Variants in TEX264 observed in about 807,000 individuals in gnomAD.
TEX264 encodes the protein testis-expressed protein 264.
TEX264 carries 13 observed loss-of-function variants against 23.4 expected under a neutral mutation model. The ratio of observed to expected loss-of-function variants is 0.56; its 90% CI spans 0.36 to 0.88. The LOEUF is 0.88. Among genes scored for constraint, TEX264 ranks in the 40% least tolerant of loss-of-function variants. TEX264 has a pLI of 0.01. For synonymous variants in TEX264, 159 were observed against 170.0 expected (o/e 0.94, Z 0.50); for missense variants, 340 against 406.8 (o/e 0.84, Z 1.41).
In TEX264 at chr3:51,686,094, T is replaced by TG. The variant is rs1268563296; in HGVS notation, c.480+1466dup. ...GGAGCTGCCTGAGATACATCTAAGTTGGGGGGTGTGGAGTCAGCAATGGTA... is the reference window on the plus strand; with the variant it reads ...GGAGCTGCCTGAGATACATCTAAGTTGGGGGGGTGTGGAGTCAGCAATGGTA... On this transcript the variant is annotated intron_variant, in intron 3 of 4. Transcript: ENST00000341333. The surrounding 1 kb of genome is among the most constrained non-coding windows in gnomAD (Gnocchi z 4.1). 6.6e-6 allele frequency among the ~76,000 whole-genome samples: 1 copy of TG among 151,816 alleles called. No homozygotes were observed.
chr3:51,699,445 C>G lies in TEX264; in HGVS notation c.520C>G (p.Gln174Glu), dbSNP rs948580613. ...TGCCTATCCTCGGCTGGAGATCTAC[C>G]AGGAAGACCAGATCCATTTCATGTG... is the stretch of plus-strand genomic sequence containing the variant. ...LCAYPRLEIY[Q>E]EDQIHFMCPL... Residue 174 changes from glutamine to glutamate, a missense_variant, in exon 4 of 5, where the codon CAG (glutamine) becomes GAG (glutamate). Physicochemically the swap from Gln to Glu is conservative, Grantham distance 29. Coordinates refer to ENST00000341333, the MANE Select transcript of TEX264 (RefSeq NM_015926.6). 6.2e-7 allele frequency: 1 copy of G among 1,613,964 alleles called. No homozygotes were observed. Among genetic ancestry groups the G allele is most frequent in the African/African-American group, 1.3e-5 (1 of 74,918 alleles).
rs1396849792 is a variant in TEX264, at chr3:51,703,777, A to G, written c.703A>G (p.Ser235Gly). 1 of 1,608,538 alleles carries G rather than the reference A, an allele frequency of 6.2e-7. No homozygotes were observed. Among genetic ancestry groups the G allele is most frequent in the Admixed American group, 1.7e-5 (1 of 59,846 alleles). ...SSVSLEVSPG[S>G]RETSAATLSP... ...TGTAAGCTTGGAAGTGAGCCCTGGC[A>G]GCCGGGAGACTTCAGCTGCCACACT... Residue 235 changes from serine to glycine, a missense_variant, in exon 5 of 5, where the codon AGC (serine) becomes GGC (glycine). Coordinates refer to ENST00000341333, the MANE Select transcript of TEX264 (RefSeq NM_015926.6). This position sits in a 1 kb window ranked among gnomAD's most constrained non-coding sequence, Gnocchi z 4.8.
intron 4 of TEX264, among the ~76,000 whole-genome samples, chr3:51,701,035 G>A (rs964165277): frequency 2.6e-5 from 4 of 152,348 alleles, no homozygotes; most frequent in African/African-American, 9.6e-5. Context: ...GAGGTGAAAG[G>A]GGGTGATTAG....
In TEX264 at chr3:51,699,719, C is replaced by T. The variant is rs1298674918; in HGVS notation, c.649+145C>T. 3 of 882,920 alleles carry T rather than the reference C, an allele frequency of 3.4e-6. No homozygotes were observed. In the East Asian group the frequency reaches 7.7e-5, roughly 23 times the overall value. 54.7% of individuals were successfully genotyped at this position (882,920 alleles called of 1,614,324 possible). On this transcript the variant is annotated intron_variant, in intron 4 of 4. Coordinates refer to ENST00000341333, the MANE Select transcript of TEX264 (RefSeq NM_015926.6). ...TTGGCAGAGGGAGGAAGGAGACCCA[C>T]CTACCTGAGGACCCACATGTGGAGT...
At chr3:51,692,083 C>T (rs1411876389) in intron 3 of TEX264, among the ~76,000 whole-genome samples, 1 of 152,192 alleles carries the variant, frequency 6.6e-6, no homozygotes. Context: ...GCTAGGGCGG[C>T]GTGGGAGCCA....
chr3:51,700,716 C>T (rs955379890), intron 4 of TEX264, among the ~76,000 whole-genome samples: 2 of 151,160 alleles, frequency 1.3e-5, no homozygotes, highest in Admixed American at 1.3e-4. Flanking sequence ...CCAAACACTG[C>T]CTGTCAGGGT....
intron 3 of TEX264, among the ~76,000 whole-genome samples, chr3:51,685,399 C>T (rs550064992): frequency 9.2e-5 from 14 of 152,252 alleles, no homozygotes; most frequent in African/African-American, 3.4e-4. Context: ...GTGAATGAAA[C>T]GTTGGTGCAT....
At chr3:51,672,013 G>A (rs1451610472) in intron 1 of TEX264, 1 of 152,316 alleles carries the variant, frequency 6.6e-6, no homozygotes, top group Non-Finnish European at 1.5e-5. Flanking sequence ...GGCGCCAAGT[G>A]TGATTGGAGT....
intron 3 of TEX264, among the ~76,000 whole-genome samples, chr3:51,697,616 C>T (rs781253737): frequency 2.0e-5 from 3 of 152,236 alleles, no homozygotes; most frequent in African/African-American, 7.2e-5. Context: ...CTTCAGGGGC[C>T]TCCCTGCCCC....
intron 4 of TEX264, among the ~76,000 whole-genome samples, chr3:51,702,243 A>G (rs1208295072): frequency 6.6e-6 from 1 of 152,132 alleles, no homozygotes; most frequent in Non-Finnish European, 1.5e-5. Flanking sequence ...AGGAGCAGTG[A>G]GGGCCTGGCA....
At chr3:51,698,418 C>T (rs1703153183) in intron 3 of TEX264, among the ~76,000 whole-genome samples, 1 of 152,106 alleles carries the variant, frequency 6.6e-6, no homozygotes, top group Non-Finnish European at 1.5e-5. Context: ...AGGGCAGGGG[C>T]CTTGCAGTCA....
intron 4 of TEX264, among the ~76,000 whole-genome samples, chr3:51,702,234 G>A (rs918242656): frequency 6.6e-6 from 1 of 152,168 alleles, no homozygotes; most frequent in South Asian, 2.1e-4. Flanking sequence ...CATTATTTAA[G>A]GAGCAGTGAG....
At chr3:51,692,410 G>A (rs1702861150) in intron 3 of TEX264, among the ~76,000 whole-genome samples, 1 of 152,184 alleles carries the variant, frequency 6.6e-6, no homozygotes, top group African/African-American at 2.4e-5. Flanking sequence ...TTATGCAGGT[G>A]GGAAGGAAAG....
chr3:51,684,750 GC>G, intron 3 of TEX264, 116 bp downstream of exon 3: 1 of 973,986 alleles, frequency 1.0e-6, no homozygotes, highest in Non-Finnish European at 1.6e-6. Context: ...GCACCCTGGG[GC>G]CCTCATGGAA....
rs756522578 is a variant in TEX264, at chr3:51,703,846, C to A, written c.772C>A (p.Arg258Ser). ...CCGTGGCTGGGATGACGGTGACACC[C>A]GCAGCGAGCACAGCTACAGCGAGTC... The part of the protein sequence containing the change: ...SSRGWDDGDT[R>S]SEHSYSESGA... Residue 258 changes from arginine (R) to serine (S), a missense_variant, in exon 5 of 5, where the codon CGC becomes AGC. Coordinates refer to ENST00000341333, the MANE Select transcript of TEX264 (RefSeq NM_015926.6). This position sits in a 1 kb window ranked among gnomAD's most constrained non-coding sequence, Gnocchi z 4.8. The A allele has an allele frequency of 6.2e-7, 1 of 1,612,930 alleles. No individual in the cohort carries two copies. Among genetic ancestry groups the A allele is most frequent in the Non-Finnish European group, 8.5e-7 (1 of 1,179,412 alleles).
At chr3:51,702,488 C>T (rs995082288) in intron 4 of TEX264, among the ~76,000 whole-genome samples, 5 of 152,166 alleles carry the variant, frequency 3.3e-5, no homozygotes, top group Non-Finnish European at 4.4e-5. Flanking sequence ...AAATTCCCCC[C>T]TCTCCTAATT....
rs72953429 is a variant in TEX264 at position 51,703,339 on chromosome 3, A to G, written c.650-385A>G. On this transcript the variant is annotated intron_variant, in intron 4 of 4. Transcript: ENST00000341333. The surrounding 1 kb of genome is among the most constrained non-coding windows in gnomAD (Gnocchi z 4.8). ...GAAGTGGGGGTGGGGGAAGGTGGAG[A>G]GGACACTACTTGTGTCTCTTTGTTC... is the stretch of plus-strand genomic sequence containing the variant. Among the ~76,000 whole-genome samples, 6,777 of 152,058 alleles carry G rather than the reference A, an allele frequency of 0.045. 499 individuals carry two copies. The highest frequency in any genetic ancestry group is 0.15 in the African/African-American group (6,245 of 41,436).
intron 2 of TEX264, among the ~76,000 whole-genome samples, chr3:51,681,191 C>T (rs1702418405): frequency 6.6e-6 from 1 of 152,216 alleles, no homozygotes; most frequent in Non-Finnish European, 1.5e-5. Flanking sequence ...CCTGGGAGCC[C>T]TGTCTTCTTA....
Position 51,671,614 on chromosome 3 carries a change from C to G in TEX264, c.-35+326C>G, listed in dbSNP as rs570318688. 960 of 155,178 alleles carry G rather than the reference C, an allele frequency of 6.2e-3. 4 individuals are homozygous for G. The highest frequency in any genetic ancestry group is 0.01 in the Non-Finnish European group (718 of 68,406). 9.6% of individuals were successfully genotyped at this position (155,178 alleles called of 1,614,324 possible). ...GTCCCCCAAGGCCGCGCCTCGCAGC[C>G]TGGGCTGCAAACTTTAGCGTCCTTT... is the stretch of plus-strand genomic sequence containing the variant. On this transcript the variant is annotated intron_variant, in intron 1 of 4. Transcript: ENST00000341333.
Sources: gnomAD v4.1 joint callset for allele counts (sites outside exome capture counted in the v4.1 genomes callset) on GRCh38, gnomAD v4.1.1 for gene constraint, Gnocchi (gnomAD v3.1) non-coding constraint, MANE v1.5 for transcripts, NCBI Gene and HGNC (gene_info 2026-07-23, HGNC 2026-07-21) for gene names.